The following SLC36A2 variants were observed in gnomAD, a reference collection of about 807,000 sequenced individuals.
SLC36A2 encodes the protein solute carrier family 36 member 2.
A neutral mutation model predicts 42.7 loss-of-function variants in SLC36A2; 39 were observed. The observed-to-expected ratio is 0.91, with a 90% CI of 0.71 to 1.19. The LOEUF (loss-of-function observed/expected upper bound fraction) is 1.19, where lower values mean the gene tolerates loss of function less well. Ranked by LOEUF, SLC36A2 falls within the 50% of genes most tolerant of loss-of-function variation. The pLI, the probability that SLC36A2 is intolerant of heterozygous loss-of-function variation, is 0.00. For synonymous variants in SLC36A2, 237 were observed against 240.8 expected (o/e 0.98, Z 0.15); for missense variants, 590 against 613.7 (o/e 0.96, Z 0.41).
At chr5:151,340,075 GA>G (rs1038874718) in intron 4 of SLC36A2, among the ~76,000 whole-genome samples, 11 of 151,628 alleles carry the variant, frequency 7.3e-5, no homozygotes, top group Admixed American at 2.0e-4. Context: ...AGAAAAAGAA[GA>G]AAAAGGAGGA....
At position 151,319,025 on chromosome 5, in the gene SLC36A2, C is replaced by T. The variant is rs188890503; in HGVS notation, c.1181-1937G>A. On this transcript the variant is annotated intron_variant, in intron 9 of 9. Coordinates refer to ENST00000335244, the MANE Select transcript of SLC36A2 (RefSeq NM_181776.3). The stretch of plus-strand genomic sequence containing the variant: ...GGAGTCTGGTTCATTCTTGTATGGC[C>T]TTGCCCAAGTCCCACCCCTTCCTCA... The T allele has an allele frequency of 1.6e-5, 5 of 306,602 alleles. No individual in the cohort carries two copies. In the East Asian group the frequency reaches 5.1e-4, roughly 31 times the overall value. The allele number at this position is 306,602 out of a possible 1,614,324, so 19.0% of individuals were successfully genotyped here.
At chr5:151,336,718 C>T (rs1032766733) in intron 5 of SLC36A2, among the ~76,000 whole-genome samples, 2 of 148,910 alleles carry the variant, frequency 1.3e-5, no homozygotes, top group Non-Finnish European at 3.0e-5. Flanking sequence ...ATGAACACCC[C>T]CTTGTAAAGT....
At chr5:151,339,026 C>T (rs1422456825) in intron 5 of SLC36A2, 34 bp downstream of exon 5, 1 of 1,513,586 alleles carries the variant, frequency 6.6e-7, no homozygotes. Flanking sequence ...CCTTGTCCAT[C>T]TTTTCCCCTC....
intron 4 of SLC36A2, among the ~76,000 whole-genome samples, chr5:151,340,434 G>C (rs1580862958): frequency 6.6e-6 from 1 of 152,238 alleles, no homozygotes; most frequent in Non-Finnish European, 1.5e-5. Flanking sequence ...GTCTGGAACT[G>C]TTGAGTTGTA....
chr5:151,343,627 G>A (rs369338209), intron 2 of SLC36A2, 29 bp from the exon 3 acceptor site: 63 of 1,584,032 alleles, frequency 4.0e-5, no homozygotes, highest in Middle Eastern at 1.7e-4. Flanking sequence ...AGGGGCGAGG[G>A]AGGAGAGAAG....
chr5:151,330,204 T>C (rs1392701085), intron 7 of SLC36A2, among the ~76,000 whole-genome samples: 1 of 152,140 alleles, frequency 6.6e-6, no homozygotes, highest in Middle Eastern at 3.2e-3. Context: ...AGACAAACTT[T>C]TACAGATTCA....
At chr5:151,330,607 G>C (rs1375468546) in intron 7 of SLC36A2, among the ~76,000 whole-genome samples, 1 of 152,204 alleles carries the variant, frequency 6.6e-6, no homozygotes, top group African/African-American at 2.4e-5. Flanking sequence ...CAAGAATAAA[G>C]AAAGAGCGAC....
chr5:151,325,216 G>A (rs1339341974), intron 8 of SLC36A2, 70 bp downstream of exon 8: 1 of 1,551,838 alleles, frequency 6.4e-7, no homozygotes, highest in African/African-American at 1.4e-5. Flanking sequence ...GCTGTGGAAG[G>A]GAGGAGGAAG....
chr5:151,317,943 AG>A (rs533638055), intron 9 of SLC36A2, among the ~76,000 whole-genome samples: 12 of 152,342 alleles, frequency 7.9e-5, no homozygotes, highest in African/African-American at 2.9e-4. Flanking sequence ...CCCCTTAATA[AG>A]GGGAAAAGGA....
chr5:151,343,721 G>A, intron 2 of SLC36A2, 123 bp from the exon 3 acceptor site: 9 of 801,486 alleles, frequency 1.1e-5, no homozygotes, highest in South Asian at 9.9e-5. Context: ...TAGCAAACTG[G>A]GTTTAAAGCC....
chr5:151,345,083 G>A (rs1232372873), intron 1 of SLC36A2, among the ~76,000 whole-genome samples: 2 of 152,126 alleles, frequency 1.3e-5, no homozygotes, highest in African/African-American at 4.8e-5. Context: ...GGAGGACAAA[G>A]TCTAAACCAT....
At chr5:151,332,626 C>T (rs1364714879) in intron 7 of SLC36A2, 1 of 281,672 alleles carries the variant, frequency 3.6e-6, no homozygotes, top group East Asian at 9.5e-5. Flanking sequence ...CTCATACATA[C>T]TGTATGATCC....
Position 151,322,038 on chromosome 5 carries a change from C to A in SLC36A2, c.1180+8G>T. The A allele has an allele frequency of 6.2e-7, 1 of 1,614,164 alleles. No individual in the cohort carries two copies. Among genetic ancestry groups the A allele is most frequent in the Non-Finnish European group, 8.5e-7 (1 of 1,180,014 alleles). On this transcript the variant is annotated splice_region_variant and intron_variant, in intron 9 of 9. Transcript: ENST00000335244. The stretch of plus-strand genomic sequence containing the variant: ...CAGCAGGAACACTGCACTCTCCTTT[C>A]TACTCACATGTCAGGCAGACCATGA...
intron 4 of SLC36A2, among the ~76,000 whole-genome samples, chr5:151,342,074 A>G (rs1241180121): frequency 6.6e-6 from 1 of 152,210 alleles, no homozygotes; most frequent in Admixed American, 6.5e-5. Context: ...GAAGCCAGAC[A>G]GATCTTTAAA....
In SLC36A2 at chr5:151,325,162, A is replaced by G. The variant is rs1165986617; in HGVS notation, c.1010+124T>C. 6.9e-6 allele frequency: 8 copies of G among 1,157,350 alleles called. No homozygotes were observed. The Admixed American group carries it at 1.4e-4, about 20-fold the overall frequency. The allele number at this position is 1,157,350 out of a possible 1,614,324, so 71.7% of individuals were successfully genotyped here. On this transcript the variant is annotated intron_variant, in intron 8 of 9. Transcript: ENST00000335244. Reference sequence around the variant, plus strand: ...TCTGGAGACCGTGGTTCCAATGACAATTCTGCTTCTTCTGTGGGAGGCTCT... The same window carrying G: ...TCTGGAGACCGTGGTTCCAATGACAGTTCTGCTTCTTCTGTGGGAGGCTCT...
At chr5:151,324,939 A>G (rs1471949014) in intron 8 of SLC36A2, among the ~76,000 whole-genome samples, 1 of 152,214 alleles carries the variant, frequency 6.6e-6, no homozygotes, top group East Asian at 1.9e-4. Flanking sequence ...AAACAAGACT[A>G]TGGGAAGTGT....
At chr5:151,318,408 TAAA>T (rs1408553500) in intron 9 of SLC36A2, among the ~76,000 whole-genome samples, 2 of 145,488 alleles carry the variant, frequency 1.4e-5, no homozygotes, top group Non-Finnish European at 3.0e-5. Context: ...TTTTAATAAA[TAAA>T]AAATAATATA....
chr5:151,336,945 T>C (rs1339828151), intron 5 of SLC36A2, among the ~76,000 whole-genome samples: 1 of 152,198 alleles, frequency 6.6e-6, no homozygotes, highest in African/African-American at 2.4e-5. Context: ...AAATTACATA[T>C]ATTATACACA....
intron 8 of SLC36A2, among the ~76,000 whole-genome samples, chr5:151,322,422 A>G (rs1181436746): frequency 1.3e-5 from 2 of 152,356 alleles, no homozygotes; most frequent in African/African-American, 2.4e-5. Context: ...AGTGGAAACA[A>G]TGGAAAGGGT....
Sources: allele counts gnomAD v4.1 joint callset (sites outside exome capture counted in the v4.1 genomes callset), GRCh38; gene constraint gnomAD v4.1.1; transcripts MANE v1.5; gene names NCBI Gene and HGNC (gene_info 2026-07-23, HGNC 2026-07-21).